Variants in MYO1D observed in about 807,000 individuals in gnomAD.
MYO1D encodes the protein myosin ID, also known as unconventional myosin-Id.
MYO1D carries 83 observed loss-of-function variants against 122.0 expected under a neutral mutation model. The observed-to-expected ratio is 0.68, with a 90% confidence interval of 0.57 to 0.82. MYO1D has a LOEUF of 0.82. MYO1D is among the 40% of genes least tolerant of loss of function. The probability of loss-of-function intolerance (pLI) is 0.00; values close to 1 mark genes in which losing one functional copy is unlikely to be tolerated. For missense variants in MYO1D, 1,157 were observed against 1,269.5 expected (o/e 0.91, Z 1.35); for synonymous variants, 464 against 446.9 (o/e 1.04, Z -0.48).
chr17:32,649,838 T>C (rs1253080515), intron 19 of MYO1D, among the ~76,000 whole-genome samples: 1 of 152,114 alleles, frequency 6.6e-6, no homozygotes, highest in African/African-American at 2.4e-5. Context: ...TCCCAAAGTG[T>C]TGGGATTATG....
chr17:32,546,554 C>A (rs924263849), intron 21 of MYO1D, among the ~76,000 whole-genome samples: 9 of 152,190 alleles, frequency 5.9e-5, no homozygotes, highest in Non-Finnish European at 1.2e-4. Flanking sequence ...CTTTTTAATT[C>A]CTATGTGCTG....
chr17:32,611,251 A>G (rs1461453488), intron 20 of MYO1D, among the ~76,000 whole-genome samples: 4 of 152,244 alleles, frequency 2.6e-5, no homozygotes, highest in Non-Finnish European at 5.9e-5. Flanking sequence ...CGCAAAACAG[A>G]CCGATATTAG....
At chr17:32,634,637 A>G (rs1246947980) in intron 20 of MYO1D, among the ~76,000 whole-genome samples, 2 of 152,230 alleles carry the variant, frequency 1.3e-5, no homozygotes, top group African/African-American at 2.4e-5. Context: ...GCACTCATGA[A>G]GACTACGTTC....
At chr17:32,611,125 C>G (rs112072161) in intron 20 of MYO1D, among the ~76,000 whole-genome samples, 1,593 of 152,188 alleles carry the variant, frequency 0.01, 30 homozygotes, top group African/African-American at 0.037. Context: ...GAAGAGGAGG[C>G]CGGCCTGAGA....
At chr17:32,832,725 A>G (rs1202103090) in intron 1 of MYO1D, among the ~76,000 whole-genome samples, 1 of 152,228 alleles carries the variant, frequency 6.6e-6, no homozygotes, top group East Asian at 1.9e-4. Flanking sequence ...GGCGAATTTC[A>G]CCAATTTTAT....
intron 1 of MYO1D, among the ~76,000 whole-genome samples, chr17:32,852,843 TA>T (rs1480722946): frequency 6.6e-6 from 1 of 152,212 alleles, no homozygotes; most frequent in African/African-American, 2.4e-5. Context: ...TGAAAGATGG[TA>T]TTTACCTTCA....
chr17:32,798,272 G>A (rs1041979695), intron 1 of MYO1D, among the ~76,000 whole-genome samples: 5 of 152,210 alleles, frequency 3.3e-5, no homozygotes, highest in Admixed American at 3.3e-4. Flanking sequence ...CACCTTGTCT[G>A]CTGGCTCTCC....
At chr17:32,655,773 A>ACT (rs2150951417) in intron 17 of MYO1D, among the ~76,000 whole-genome samples, 1 of 152,190 alleles carries the variant, frequency 6.6e-6, no homozygotes, top group Non-Finnish European at 1.5e-5. Context: ...ACATGACCTG[A>ACT]CTCATGCTTT....
At chr17:32,836,947 G>A (rs1016458854) in intron 1 of MYO1D, among the ~76,000 whole-genome samples, 4 of 152,122 alleles carry the variant, frequency 2.6e-5, no homozygotes, top group African/African-American at 9.7e-5. Context: ...TATAGAGTTA[G>A]CCTGAGGAGA....
chr17:32,571,034 G>A (rs2087222035), intron 21 of MYO1D, among the ~76,000 whole-genome samples: 1 of 152,234 alleles, frequency 6.6e-6, no homozygotes, highest in East Asian at 1.9e-4. Flanking sequence ...CTGGGCAAAA[G>A]GGGACTCAGA....
intron 20 of MYO1D, among the ~76,000 whole-genome samples, chr17:32,635,027 T>C (rs1036574953): frequency 5.9e-5 from 9 of 152,134 alleles, no homozygotes; most frequent in African/African-American, 1.9e-4. Context: ...AGACTATGCA[T>C]AGATTTGCAA....
intron 21 of MYO1D, among the ~76,000 whole-genome samples, chr17:32,597,892 A>AG (rs2087516696): frequency 4.1e-5 from 6 of 146,208 alleles, no homozygotes; most frequent in Non-Finnish European, 9.1e-5. Flanking sequence ...AAAAAAAAAA[A>AG]GAAATCTCGT....
chr17:32,747,828 C>T (rs866038122), intron 12 of MYO1D, among the ~76,000 whole-genome samples: 2 of 150,784 alleles, frequency 1.3e-5, no homozygotes, highest in South Asian at 4.2e-4. Context: ...CAGAGCGAGA[C>T]TCCATCTCAA....
rs117679352 is a variant in MYO1D at position 32,708,244 on chromosome 17, G to T, written c.2121+3744C>A. ...ATAGAAATACACTCATATGAACTAT[G>T]ATCTTCTTTATATTATTTTAGATAT... is the stretch of plus-strand genomic sequence containing the variant. On this transcript the variant is annotated intron_variant, in intron 16 of 21. Transcript: ENST00000318217. Among the ~76,000 whole-genome samples, 168 of 152,198 alleles carry T rather than the reference G, an allele frequency of 1.1e-3. 1 individual carries two copies. In the East Asian group the frequency reaches 0.02, roughly 18 times the overall value.
At chr17:32,694,611 G>C (rs560733391) in intron 16 of MYO1D, among the ~76,000 whole-genome samples, 1 of 143,310 alleles carries the variant, frequency 7.0e-6, no homozygotes, top group South Asian at 2.2e-4. Flanking sequence ...TGAGGCAGGA[G>C]AATGGCGTGA....
At chr17:32,620,256 G>A (rs1283109276) in intron 20 of MYO1D, among the ~76,000 whole-genome samples, 1 of 152,190 alleles carries the variant, frequency 6.6e-6, no homozygotes, top group East Asian at 1.9e-4. Flanking sequence ...CAGCCCAGCA[G>A]GGAAGGGTCA....
At chr17:32,578,663 A>G (rs1247951118) in intron 21 of MYO1D, among the ~76,000 whole-genome samples, 1 of 152,216 alleles carries the variant, frequency 6.6e-6, no homozygotes, top group Non-Finnish European at 1.5e-5. Context: ...TTTTACCCTC[A>G]ATGCTTTTAC....
chr17:32,523,675 C>T (rs1910236322), intron 21 of MYO1D, among the ~76,000 whole-genome samples: 1 of 150,804 alleles, frequency 6.6e-6, no homozygotes, highest in African/African-American at 2.4e-5. Context: ...GTGGTGTGCA[C>T]TTATAGTCCC....
intron 21 of MYO1D, among the ~76,000 whole-genome samples, chr17:32,509,175 T>C (rs903405254): frequency 6.6e-6 from 1 of 152,156 alleles, no homozygotes; most frequent in Non-Finnish European, 1.5e-5. Context: ...TGTCCCGGCC[T>C]GGTATCCTGC....
Sources: allele counts gnomAD v4.1 joint callset (sites outside exome capture counted in the v4.1 genomes callset), GRCh38; gene constraint gnomAD v4.1.1; transcripts MANE v1.5; gene names NCBI Gene and HGNC (gene_info 2026-07-23, HGNC 2026-07-21).